Variants in CSMD1 observed in about 807,000 individuals in gnomAD.
The protein encoded by CSMD1 is CUB and Sushi multiple domains 1.
Under a neutral mutation model 417.5 loss-of-function variants are expected in CSMD1, and 213 were observed. The ratio of observed to expected loss-of-function variants is 0.51; its 90% CI spans 0.46 to 0.57. The LOEUF (loss-of-function observed/expected upper bound fraction) is 0.57, where lower values mean the gene tolerates loss of function less well. Ranked by LOEUF, CSMD1 falls within the 20% of genes least tolerant of loss-of-function variation. The probability of loss-of-function intolerance (pLI) is 0.00; values close to 1 mark genes in which losing one functional copy is unlikely to be tolerated. For synonymous variants in CSMD1, 2,862 were observed against 1,736.8 expected (o/e 1.65, Z -16.11); for missense variants, 6,923 against 4,529.7 (o/e 1.53, Z -15.17).
chr8:2,979,206 A>G (rs1805194513), intron 54 of CSMD1, among the ~76,000 whole-genome samples: 1 of 152,218 alleles, frequency 6.6e-6, no homozygotes, highest in South Asian at 2.1e-4. Flanking sequence ...TTACCCCCCA[A>G]CACACATACA....
intron 3 of CSMD1, among the ~76,000 whole-genome samples, chr8:4,271,235 A>G (rs899596223): frequency 6.6e-6 from 1 of 152,200 alleles, no homozygotes. Context: ...TACACGAATC[A>G]GGGCGTAGTG....
intron 11 of CSMD1, among the ~76,000 whole-genome samples, chr8:3,482,200 T>C (rs558722982): frequency 6.6e-6 from 1 of 152,186 alleles, no homozygotes; most frequent in East Asian, 1.9e-4. Context: ...ACCTTAAATA[T>C]AAATGGTCTA....
At chr8:4,143,423 G>C (rs1382524602) in intron 3 of CSMD1, among the ~76,000 whole-genome samples, 1 of 148,338 alleles carries the variant, frequency 6.7e-6, no homozygotes, top group Non-Finnish European at 1.5e-5. Flanking sequence ...AACCCAGGCT[G>C]AAAGTTCGGA....
intron 5 of CSMD1, among the ~76,000 whole-genome samples, chr8:3,951,928 A>G (rs1811625304): frequency 6.6e-6 from 1 of 152,166 alleles, no homozygotes; most frequent in South Asian, 2.1e-4. Context: ...TCCCAGAAAA[A>G]AAAATAGATA....
chr8:4,505,707 C>T (rs1272600179), intron 2 of CSMD1, among the ~76,000 whole-genome samples: 3 of 152,122 alleles, frequency 2.0e-5, no homozygotes, highest in Non-Finnish European at 4.4e-5. Context: ...TTCATTTCTT[C>T]ATCTGCCAAT....
chr8:2,996,578 C>T (rs761259732), intron 54 of CSMD1, among the ~76,000 whole-genome samples: 9 of 152,198 alleles, frequency 5.9e-5, no homozygotes, highest in Non-Finnish European at 8.8e-5. Flanking sequence ...AAAGAGTCAC[C>T]GCTAGCTCTC....
intron 33 of CSMD1, among the ~76,000 whole-genome samples, chr8:3,191,031 C>T (rs2129051118): frequency 6.6e-6 from 1 of 152,252 alleles, no homozygotes; most frequent in South Asian, 2.1e-4. Context: ...AATGAGTATG[C>T]CCTGGAGACC....
chr8:3,047,680 C>T (rs947054317), intron 50 of CSMD1, among the ~76,000 whole-genome samples: 4 of 152,242 alleles, frequency 2.6e-5, no homozygotes, highest in Admixed American at 2.0e-4. Flanking sequence ...TTAAAACCTA[C>T]ATTGTGTTTC....
intron 8 of CSMD1, among the ~76,000 whole-genome samples, chr8:3,609,151 G>C (rs1462729231): frequency 1.3e-5 from 2 of 152,168 alleles, no homozygotes; most frequent in Non-Finnish European, 2.9e-5. Context: ...TGTTAGGTTA[G>C]CGTTCTGAAT....
At position 4,043,750 on chromosome 8, in the gene CSMD1, T is replaced by C. The variant is rs571578839; in HGVS notation, c.416-11651A>G. 5.9e-5 allele frequency among the ~76,000 whole-genome samples: 9 copies of C among 152,336 alleles called. No individual in the cohort carries two copies. In the South Asian group the frequency reaches 1.7e-3, roughly 28 times the overall value. ...TTATTACTAATAGATACTATTGATA[T>C]CTTGCTGAGCTCTTTCAAATGCTGG... On this transcript the variant is annotated intron_variant, in intron 3 of 69. Coordinates refer to ENST00000635120, the MANE Select transcript of CSMD1 (RefSeq NM_033225.6).
chr8:4,109,854 G>A (rs1447291900), intron 3 of CSMD1, among the ~76,000 whole-genome samples: 3 of 152,150 alleles, frequency 2.0e-5, no homozygotes, highest in Non-Finnish European at 1.5e-5. Flanking sequence ...AAATAAGGGA[G>A]AGGTCCAAGA....
intron 7 of CSMD1, among the ~76,000 whole-genome samples, chr8:3,633,120 T>G (rs530531590): frequency 6.6e-6 from 1 of 152,364 alleles, no homozygotes; most frequent in Non-Finnish European, 1.5e-5. Context: ...CATTTATTTC[T>G]CTAACTTTAT....
intron 3 of CSMD1, among the ~76,000 whole-genome samples, chr8:4,405,215 A>T (rs1346654037): frequency 6.6e-6 from 1 of 152,244 alleles, no homozygotes; most frequent in Non-Finnish European, 1.5e-5. Context: ...AAGGAGACTA[A>T]CCCGTGGTTT....
intron 5 of CSMD1, among the ~76,000 whole-genome samples, chr8:3,950,412 T>C (rs1427612742): frequency 3.9e-5 from 6 of 152,198 alleles, no homozygotes; most frequent in African/African-American, 1.4e-4. Flanking sequence ...CGGGTCAATG[T>C]AAGTAGCAGA....
chr8:4,021,362 C>T (rs769816964), intron 4 of CSMD1, among the ~76,000 whole-genome samples: 1 of 152,154 alleles, frequency 6.6e-6, no homozygotes, highest in South Asian at 2.1e-4. Flanking sequence ...TTTTCCGTGT[C>T]GCATCTGGGG....
At chr8:3,653,520 G>C (rs893862117) in intron 7 of CSMD1, among the ~76,000 whole-genome samples, 1 of 152,156 alleles carries the variant, frequency 6.6e-6, no homozygotes, top group Non-Finnish European at 1.5e-5. Context: ...TGTTGGCCAA[G>C]CTGGTCTCGA....
At chr8:4,069,895 T>C (rs1011105075) in intron 3 of CSMD1, among the ~76,000 whole-genome samples, 2 of 152,192 alleles carry the variant, frequency 1.3e-5, no homozygotes, top group Non-Finnish European at 2.9e-5. Context: ...TGTTTTGTTT[T>C]GTTTTGTTTT....
intron 10 of CSMD1, among the ~76,000 whole-genome samples, chr8:3,531,141 G>A (rs1473840889): frequency 6.6e-6 from 1 of 152,040 alleles, no homozygotes; most frequent in Non-Finnish European, 1.5e-5. Flanking sequence ...GATTACAGGT[G>A]TGAGCCACCA....
intron 1 of CSMD1, among the ~76,000 whole-genome samples, chr8:4,669,715 T>C (rs912827562): frequency 6.6e-6 from 1 of 152,208 alleles, no homozygotes; most frequent in African/African-American, 2.4e-5. Flanking sequence ...GTTTCTTTTC[T>C]TAAACCCTCT....
Sources: gnomAD v4.1 joint callset for allele counts (sites outside exome capture counted in the v4.1 genomes callset) on GRCh38, gnomAD v4.1.1 for gene constraint, MANE v1.5 for transcripts, NCBI Gene and HGNC (gene_info 2026-07-23, HGNC 2026-07-21) for gene names.